The following TOP6BL variants were observed in gnomAD, a reference collection of about 807,000 sequenced individuals.
TOP6BL encodes the protein TOP6B like initiator of meiotic double strand breaks.
chr11:66,834,902 G>T, the TOP6BL span, among the ~76,000 whole-genome samples: 2 of 152,208 alleles, frequency 1.3e-5, no homozygotes, highest in East Asian at 3.9e-4. Flanking sequence ...CCAGGAAGGA[G>T]TGAACAAGAT....
chr11:66,796,442 G>C, the TOP6BL span: 1 of 1,059,438 alleles, frequency 9.4e-7, no homozygotes, highest in Non-Finnish European at 1.4e-6. Flanking sequence ...TGTAGGACAT[G>C]GACAGATGTG....
At chr11:66,843,006 G>C in the TOP6BL span, 1 of 1,550,934 alleles carries the variant, frequency 6.4e-7, no homozygotes, top group Non-Finnish European at 8.7e-7. Context: ...GAGGAAGGGA[G>C]CACCGCGAGG....
At chr11:66,772,202 A>G in the TOP6BL span, among the ~76,000 whole-genome samples, 1 of 152,200 alleles carries the variant, frequency 6.6e-6, no homozygotes, top group East Asian at 1.9e-4. Flanking sequence ...TAAGAATTTC[A>G]TTTTCCAACT....
chr11:66,814,113 C>A, the TOP6BL span: 5 of 1,314,810 alleles, frequency 3.8e-6, no homozygotes, highest in Non-Finnish European at 5.2e-6. Context: ...AAAATATGAC[C>A]AGAGATCTGA....
At chr11:66,772,086 G>A in the TOP6BL span, among the ~76,000 whole-genome samples, 2 of 152,108 alleles carry the variant, frequency 1.3e-5, no homozygotes, top group African/African-American at 4.8e-5. Context: ...GTTAACAGGA[G>A]TTTGGAAGAA....
chr11:66,840,828 C>T, the TOP6BL span, among the ~76,000 whole-genome samples: 1 of 152,198 alleles, frequency 6.6e-6, no homozygotes, highest in Non-Finnish European at 1.5e-5. Context: ...CTACTTTCCT[C>T]TGGTCATGCC....
chr11:66,765,476 A>C, the TOP6BL span, among the ~76,000 whole-genome samples: 1 of 152,098 alleles, frequency 6.6e-6, no homozygotes, highest in East Asian at 1.9e-4. Context: ...TAGGGCTCTT[A>C]ATATTAACCT....
chr11:66,793,451 T>TG, the TOP6BL span, among the ~76,000 whole-genome samples: 5 of 147,114 alleles, frequency 3.4e-5, no homozygotes, highest in Non-Finnish European at 3.0e-5. Flanking sequence ...TTTGTTTTTT[T>TG]TTTTTTTTTT....
the TOP6BL span, among the ~76,000 whole-genome samples, chr11:66,784,956 C>CTTTTTTTTTTTTTTTTTT: frequency 1.1e-5 from 1 of 95,124 alleles, no homozygotes; most frequent in Non-Finnish European, 2.0e-5. Flanking sequence ...TCTAAGATTT[C>CTTTTTTTTTTTTTTTTTT]TTTTTTTTTT....
the TOP6BL span, among the ~76,000 whole-genome samples, chr11:66,774,565 T>C: frequency 6.6e-6 from 1 of 152,108 alleles, no homozygotes; most frequent in African/African-American, 2.4e-5. Flanking sequence ...GCCATTCTCC[T>C]ATCTCAGCCT....
chr11:66,823,294 CAAAAA>C, the TOP6BL span, among the ~76,000 whole-genome samples: 1 of 41,280 alleles, frequency 2.4e-5, no homozygotes, highest in Non-Finnish European at 5.4e-5. Context: ...GACTCCACCT[CAAAAA>C]AAAAAAAAAA....
At chr11:66,789,317 A>G in the TOP6BL span, among the ~76,000 whole-genome samples, 3 of 152,186 alleles carry the variant, frequency 2.0e-5, no homozygotes, top group African/African-American at 7.2e-5. Flanking sequence ...TATGAGGGTG[A>G]TAATTCATTC....
chr11:66,788,171 A>G, the TOP6BL span: 1 of 1,613,086 alleles, frequency 6.2e-7, no homozygotes, highest in South Asian at 1.1e-5. Flanking sequence ...AATACAGTCC[A>G]TACTGCCCGG....
the TOP6BL span, among the ~76,000 whole-genome samples, chr11:66,794,445 C>T: frequency 6.6e-6 from 1 of 152,126 alleles, no homozygotes; most frequent in Admixed American, 6.6e-5. Context: ...GTTGACCTGG[C>T]TAACCTTGGA....
At chr11:66,775,036 C>T in the TOP6BL span, among the ~76,000 whole-genome samples, 2 of 148,394 alleles carry the variant, frequency 1.3e-5, no homozygotes, top group African/African-American at 5.0e-5. Flanking sequence ...CCACTTGAAC[C>T]CAGGAGGCAG....
the TOP6BL span, among the ~76,000 whole-genome samples, chr11:66,822,265 CT>C: frequency 8.5e-3 from 1,231 of 144,270 alleles, 5 homozygotes; most frequent in South Asian, 0.011. Flanking sequence ...GAACTAAAAG[CT>C]TTTTTTTTTT....
At chr11:66,759,287 T>G in the TOP6BL span, among the ~76,000 whole-genome samples, 3 of 152,200 alleles carry the variant, frequency 2.0e-5, no homozygotes, top group Non-Finnish European at 4.4e-5. Flanking sequence ...CAGTACTTTA[T>G]CCTACATTTT....
the TOP6BL span, chr11:66,756,248 AGGTC>A: frequency 4.0e-6 from 4 of 988,962 alleles, no homozygotes; most frequent in Non-Finnish European, 4.8e-6. Flanking sequence ...TTTAAACTAT[AGGTC>A]TGTTCAGGAC....
chr11:66,815,923 G>A, the TOP6BL span: 1 of 864,220 alleles, frequency 1.2e-6, no homozygotes, highest in Non-Finnish European at 1.7e-6. Flanking sequence ...GTTCAGGAGG[G>A]TAAATGGGTG....
Sources: allele counts gnomAD v4.1 joint callset (sites outside exome capture counted in the v4.1 genomes callset), GRCh38; gene constraint gnomAD v4.1.1; transcripts MANE v1.5; gene names NCBI Gene and HGNC (gene_info 2026-07-23, HGNC 2026-07-21).